LOXL2: variants seen among roughly 807,000 people sequenced by gnomAD.
LOXL2 encodes the protein lysyl oxidase like 2.
Under a neutral mutation model 93.0 loss-of-function variants are expected in LOXL2, and 70 were observed. The observed-to-expected ratio is 0.75, with a 90% CI of 0.62 to 0.92. The LOEUF (loss-of-function observed/expected upper bound fraction) is 0.92, where lower values mean the gene tolerates loss of function less well. Ranked by LOEUF, LOXL2 falls within the 40% of genes least tolerant of loss-of-function variation. The pLI is 0.00. For synonymous variants in LOXL2, 438 were observed against 413.2 expected (o/e 1.06, Z -0.73); for missense variants, 973 against 1,054.9 (o/e 0.92, Z 1.08).
intron 3 of LOXL2, among the ~76,000 whole-genome samples, chr8:23,347,975 C>T (rs549026574): frequency 6.6e-6 from 1 of 151,974 alleles, no homozygotes; most frequent in Non-Finnish European, 1.5e-5. Flanking sequence ...CAATGATAGA[C>T]TGGATTAAGA....
At chr8:23,383,646 GTTTTTTTTTTGTTTTTTT>G (rs1293311193) in intron 1 of LOXL2, among the ~76,000 whole-genome samples, 29 of 117,636 alleles carry the variant, frequency 2.5e-4, no homozygotes, top group Non-Finnish European at 3.4e-4. Flanking sequence ...GCACTTTTAC[GTTTTTTTTTTGTTTTTTT>G]TTTTTTTTTT....
chr8:23,316,468 C>T (rs1803402803), intron 9 of LOXL2, among the ~76,000 whole-genome samples: 1 of 152,120 alleles, frequency 6.6e-6, no homozygotes, highest in Non-Finnish European at 1.5e-5. Context: ...GGAAGTGGGT[C>T]ATCCTGAATC....
intron 9 of LOXL2, among the ~76,000 whole-genome samples, chr8:23,310,698 T>G (rs1803308794): frequency 1.3e-5 from 2 of 152,238 alleles, no homozygotes; most frequent in African/African-American, 4.8e-5. Context: ...AGTCTCTGAT[T>G]CCTACTGCCA....
chr8:23,320,378 G>A (rs544162440), intron 7 of LOXL2, among the ~76,000 whole-genome samples: 2 of 152,304 alleles, frequency 1.3e-5, no homozygotes, highest in South Asian at 4.1e-4. Flanking sequence ...ACCTTGACAT[G>A]TTGGAATCCC....
At chr8:23,374,089 T>TCCCTCCC (rs1313534809) in intron 1 of LOXL2, among the ~76,000 whole-genome samples, 1 of 130,744 alleles carries the variant, frequency 7.6e-6, no homozygotes, top group African/African-American at 2.9e-5. Context: ...CCTAATGCTT[T>TCCCTCCC]CCCTCCCCCC....
intron 1 of LOXL2, among the ~76,000 whole-genome samples, chr8:23,377,150 C>T (rs1277463684): frequency 1.3e-5 from 2 of 152,236 alleles, no homozygotes; most frequent in South Asian, 2.1e-4. Context: ...TCTTTGTTCT[C>T]ATTGGTTTCA....
At chr8:23,368,461 A>T in intron 1 of LOXL2, 27 bp from the exon 2 acceptor site, 2 of 882,774 alleles carry the variant, frequency 2.3e-6, no homozygotes, top group Non-Finnish European at 3.6e-6. Flanking sequence ...ATGCGTTAGG[A>T]TGGGAACGTG....
At chr8:23,327,934 T>C (rs182352103) in intron 6 of LOXL2, among the ~76,000 whole-genome samples, 2 of 152,130 alleles carry the variant, frequency 1.3e-5, no homozygotes, top group Non-Finnish European at 2.9e-5. Flanking sequence ...GGAGGGAGTG[T>C]GTGCAGGGCT....
intron 1 of LOXL2, among the ~76,000 whole-genome samples, chr8:23,391,867 G>C (rs1292506242): frequency 6.6e-6 from 1 of 152,092 alleles, no homozygotes; most frequent in Non-Finnish European, 1.5e-5. Flanking sequence ...GGGAATCCTG[G>C]GCTGGAGGGA....
chr8:23,314,537 G>C (rs1356975782), intron 9 of LOXL2, among the ~76,000 whole-genome samples: 1 of 138,666 alleles, frequency 7.2e-6, no homozygotes, highest in African/African-American at 2.6e-5. Context: ...GTAAACTATC[G>C]CAAGAACAAA....
chr8:23,401,135 G>T (rs1368529110), intron 1 of LOXL2, among the ~76,000 whole-genome samples: 2 of 152,162 alleles, frequency 1.3e-5, no homozygotes, highest in Admixed American at 6.5e-5. Context: ...GTGCCCTCTG[G>T]ACAGCTTATC....
chr8:23,328,094 G>C (rs1384981108), intron 6 of LOXL2, among the ~76,000 whole-genome samples: 3 of 152,108 alleles, frequency 2.0e-5, no homozygotes, highest in Non-Finnish European at 4.4e-5. Context: ...GTTAGGAGCT[G>C]GGAGACCTAC....
intron 1 of LOXL2, among the ~76,000 whole-genome samples, chr8:23,397,810 T>A (rs1385801653): frequency 6.7e-6 from 1 of 148,598 alleles, no homozygotes; most frequent in African/African-American, 2.5e-5. Flanking sequence ...AGAAATATGC[T>A]TTTCCGTGGG....
At chr8:23,342,101 C>T (rs1159407506) in intron 3 of LOXL2, among the ~76,000 whole-genome samples, 2 of 152,142 alleles carry the variant, frequency 1.3e-5, no homozygotes, top group Non-Finnish European at 2.9e-5. Flanking sequence ...GAGAGGAAGG[C>T]GCCTGCCTCC....
At chr8:23,385,847 TTAA>T (rs1804751938) in intron 1 of LOXL2, 10 of 684,746 alleles carry the variant, frequency 1.5e-5, no homozygotes, top group South Asian at 1.4e-4. Flanking sequence ...ACAAAAATTA[TTAA>T]TGAGATGTTT....
intron 1 of LOXL2, among the ~76,000 whole-genome samples, chr8:23,374,308 C>A: frequency 6.6e-6 from 1 of 152,226 alleles, no homozygotes; most frequent in Non-Finnish European, 1.5e-5. Context: ...CATAGTATTC[C>A]ATGGTGTATA....
At chr8:23,342,579 A>AT (rs1803900406) in intron 3 of LOXL2, among the ~76,000 whole-genome samples, 1 of 151,580 alleles carries the variant, frequency 6.6e-6, no homozygotes, top group Non-Finnish European at 1.5e-5. Context: ...CTACAGGCGC[A>AT]CGCCACCACA....
chr8:23,333,370 C>T (rs1803736117), intron 5 of LOXL2, 31 bp downstream of exon 5: 2 of 1,601,718 alleles, frequency 1.2e-6, no homozygotes, highest in Non-Finnish European at 1.7e-6. Context: ...CTCCAGGTGC[C>T]AAGTGGCCAC....
At chr8:23,353,253 C>T (rs1444468821) in intron 3 of LOXL2, among the ~76,000 whole-genome samples, 1 of 152,138 alleles carries the variant, frequency 6.6e-6, no homozygotes, top group Non-Finnish European at 1.5e-5. Flanking sequence ...GAAACAAAGC[C>T]TCTCAATTTA....
Sources: gnomAD v4.1 joint callset for allele counts (sites outside exome capture counted in the v4.1 genomes callset) on GRCh38, gnomAD v4.1.1 for gene constraint, MANE v1.5 for transcripts, NCBI Gene and HGNC (gene_info 2026-07-23, HGNC 2026-07-21) for gene names.